Variants in PRDM6 observed in about 807,000 individuals in gnomAD.
PRDM6 encodes the protein putative histone-lysine N-methyltransferase PRDM6.
PRDM6 carries 25 observed loss-of-function variants against 60.8 expected under a neutral mutation model. The ratio of observed to expected loss-of-function variants is 0.41; its 90% confidence interval spans 0.30 to 0.57. The LOEUF (loss-of-function observed/expected upper bound fraction) is 0.57. Among genes scored for constraint, PRDM6 ranks in the 20% least tolerant of loss-of-function variants. The pLI, the probability that PRDM6 is intolerant of heterozygous loss-of-function variation, is 0.27. For missense variants in PRDM6, 839 were observed against 821.3 expected, an observed-to-expected ratio of 1.02 and a Z score of -0.26; for synonymous variants, 407 against 357.4, an observed-to-expected ratio of 1.14 and a Z score of -1.57.
At chr5:123,141,073 T>C (rs1765087890) in intron 3 of PRDM6, among the ~76,000 whole-genome samples, 1 of 152,056 alleles carries the variant, frequency 6.6e-6, no homozygotes, top group Non-Finnish European at 1.5e-5. Flanking sequence ...CAATTTATCA[T>C]GATTATACTT....
intron 7 of PRDM6, among the ~76,000 whole-genome samples, chr5:123,180,968 C>T (rs1476057407): frequency 6.6e-6 from 1 of 152,192 alleles, no homozygotes; most frequent in African/African-American, 2.4e-5. Context: ...GAATTGAATT[C>T]TAAGGGCTTT....
At chr5:123,167,600 G>A (rs531824159) in intron 5 of PRDM6, among the ~76,000 whole-genome samples, 1 of 152,146 alleles carries the variant, frequency 6.6e-6, no homozygotes, top group East Asian at 1.9e-4. Context: ...TGTTGGTCAG[G>A]CTGGTCTTGA....
At chr5:123,156,180 G>C (rs1765495251) in intron 4 of PRDM6, among the ~76,000 whole-genome samples, 169 bp downstream of exon 4, 1 of 151,776 alleles carries the variant, frequency 6.6e-6, no homozygotes, top group South Asian at 2.1e-4. Flanking sequence ...TCCTATGACA[G>C]TAAGAGCATT....
Position 123,170,984 on chromosome 5 carries a change from A to G in PRDM6, c.1372A>G (p.Thr458Ala), listed in dbSNP as rs1025132077. The G allele has an allele frequency of 4.5e-6, 7 of 1,551,700 alleles. No homozygotes were observed. Among genetic ancestry groups the G allele is most frequent in the Middle Eastern group, 1.7e-4 (1 of 6,014 alleles). ...VKNQRVLASP[T>A]STSQLHSEFS... ...AAACCAGCGAGTCCTGGCAAGCCCA[A>G]CTTCCACAAGCCAGCTCCACTCGGA... The change falls in exon 6 of 8, where the codon ACT becomes GCT. Residue 458 changes from threonine (T) to alanine (A), a missense_variant. Coordinates refer to ENST00000407847, the MANE Select transcript of PRDM6 (RefSeq NM_001136239.4).
intron 2 of PRDM6, among the ~76,000 whole-genome samples, chr5:123,091,507 T>C (rs1270321505): frequency 6.6e-6 from 1 of 152,246 alleles, no homozygotes; most frequent in Non-Finnish European, 1.5e-5. Context: ...TTGAAACGCT[T>C]ATCACAAGTA....
At chr5:123,138,503 A>G (rs949616028) in intron 3 of PRDM6, among the ~76,000 whole-genome samples, 13 of 152,242 alleles carry the variant, frequency 8.5e-5, no homozygotes, top group South Asian at 4.1e-4. Context: ...TCACACAGCA[A>G]CTATATTTTT....
chr5:123,174,207 C>T (rs72787566), intron 6 of PRDM6, among the ~76,000 whole-genome samples: 41,431 of 152,092 alleles, frequency 0.27, 6,208 homozygotes, highest in East Asian at 0.59. Context: ...TGTTGCTGTT[C>T]ATAACATTTT....
chr5:123,186,571 C>T (rs1269635443), intron 7 of PRDM6, among the ~76,000 whole-genome samples: 1 of 152,196 alleles, frequency 6.6e-6, no homozygotes, highest in Non-Finnish European at 1.5e-5. Flanking sequence ...AAAGCAGCGA[C>T]CACGCCTACT....
At chr5:123,163,760 T>TA (rs1324062380) in intron 5 of PRDM6, among the ~76,000 whole-genome samples, 2 of 152,026 alleles carry the variant, frequency 1.3e-5, no homozygotes, top group Non-Finnish European at 2.9e-5. Flanking sequence ...CAGAGGAAAT[T>TA]AAAAAAAATC....
chr5:123,163,497 A>G (rs1765680861), intron 5 of PRDM6, among the ~76,000 whole-genome samples: 1 of 152,206 alleles, frequency 6.6e-6, no homozygotes, highest in South Asian at 2.1e-4. Flanking sequence ...CTCAGAGAAG[A>G]CAGCAGTTCA....
At chr5:123,167,363 C>T (rs1278796479) in intron 5 of PRDM6, among the ~76,000 whole-genome samples, 1 of 150,906 alleles carries the variant, frequency 6.6e-6, no homozygotes, top group Non-Finnish European at 1.5e-5. Flanking sequence ...GTGACCTTAA[C>T]AATTTTTTAG....
chr5:123,100,041 G>A (rs1199871346), intron 3 of PRDM6, 80 bp downstream of exon 3: 1 of 1,392,822 alleles, frequency 7.2e-7, no homozygotes, highest in Non-Finnish European at 9.5e-7. Flanking sequence ...AGGGAGCCTG[G>A]CCTTTGGCTG....
intron 3 of PRDM6, among the ~76,000 whole-genome samples, chr5:123,131,440 T>G (rs1764832294): frequency 6.6e-6 from 1 of 152,210 alleles, no homozygotes; most frequent in Non-Finnish European, 1.5e-5. Flanking sequence ...TTCACATATA[T>G]TCTATAAATA....
intron 6 of PRDM6, among the ~76,000 whole-genome samples, chr5:123,177,476 A>G (rs1766043653): frequency 6.6e-6 from 1 of 152,220 alleles, no homozygotes; most frequent in African/African-American, 2.4e-5. Context: ...GTACCTAAGA[A>G]TGAAGGAATA....
intron 5 of PRDM6, among the ~76,000 whole-genome samples, chr5:123,165,022 T>A (rs928166777): frequency 6.6e-6 from 1 of 152,190 alleles, no homozygotes; most frequent in Admixed American, 6.5e-5. Context: ...CTCAGCTCAG[T>A]GCTGCTTGCC....
chr5:123,143,155 G>A (rs1437749050), intron 3 of PRDM6, among the ~76,000 whole-genome samples: 1 of 147,582 alleles, frequency 6.8e-6, no homozygotes, highest in African/African-American at 2.4e-5. Flanking sequence ...TAAAGTGTGT[G>A]TGTGTGTGTG....
chr5:123,172,836 A>G (rs1402544863), intron 6 of PRDM6, among the ~76,000 whole-genome samples: 1 of 152,236 alleles, frequency 6.6e-6, no homozygotes, highest in Non-Finnish European at 1.5e-5. Context: ...CAATGAAACT[A>G]TTTCATGGTA....
At position 123,090,324 on chromosome 5, in the gene PRDM6, G is replaced by A. The variant is rs531428162; in HGVS notation, c.310G>A (p.Ala104Thr). The change falls in exon 2 of 8, where the codon GCG (alanine) becomes ACG (threonine). Residue 104 changes from alanine to threonine, a missense_variant. Coordinates refer to ENST00000407847, the MANE Select transcript of PRDM6 (RefSeq NM_001136239.4). ...SSCAAAAAAAALAGLSALPVS... is the reference protein window; with the variant it reads ...SSCAAAAAAATLAGLSALPVS... ...CTGCGCTGCTGCGGCCGCTGCCGCC[G>A]CGCTGGCTGGTCTCTCGGCCCTGCC... 5.0e-4 allele frequency: 741 copies of A among 1,479,344 alleles called. 7 individuals are homozygous for A. In the African/African-American group the frequency reaches 9.9e-3, roughly 20 times the overall value. 91.6% of individuals were successfully genotyped at this position (1,479,344 alleles called of 1,614,324 possible). A position where few individuals can be genotyped will look rare whatever the true frequency, so the allele number is the denominator to read the frequency against.
rs140660992 is a variant in PRDM6, at chr5:123,097,430, G to A, written c.593-2224G>A. ...CTTGCAGTCAGGCAGCCTTGACTGT[G>A]AATCCTTTCTCTGCCACTTTCTAGC... On this transcript the variant is annotated intron_variant, in intron 2 of 7. Transcript: ENST00000407847. Among the ~76,000 whole-genome samples, 257 of 152,216 alleles carry A rather than the reference G, an allele frequency of 1.7e-3. 1 individual carries two copies. The highest frequency in any genetic ancestry group is 4.9e-3 in the Admixed American group (75 of 15,294).
Sources: gnomAD v4.1 joint callset for allele counts (sites outside exome capture counted in the v4.1 genomes callset) on GRCh38, gnomAD v4.1.1 for gene constraint, MANE v1.5 for transcripts, NCBI Gene and HGNC (gene_info 2026-07-23, HGNC 2026-07-21) for gene names.